Variants in OR6B3 observed in about 807,000 individuals in gnomAD.
OR6B3 encodes olfactory receptor 6B3.
For missense variants in OR6B3, 315 were observed against 427.4 expected (o/e 0.74, Z 2.32); for synonymous variants, 148 against 187.8 (o/e 0.79, Z 1.73).
chr2:240,045,737 A>T lies in OR6B3; in HGVS notation c.336T>A (p.Cys112Ter), dbSNP rs1265388637. The T allele has an allele frequency of 7.2e-7, 1 of 1,381,522 alleles. No individual in the cohort carries two copies. Among genetic ancestry groups the T allele is most frequent in the African/African-American group, 1.4e-5 (1 of 69,372 alleles). 85.6% of individuals were successfully genotyped at this position (1,381,522 alleles called of 1,614,324 possible). Residue 112 changes from cysteine (C) to a stop codon, truncating the protein, a stop_gained, in exon 2 of 2, where the codon TGT (cysteine) becomes TGA (stop). Coordinates refer to ENST00000641019, the Ensembl canonical transcript of OR6B3. LOFTEE classifies it low-confidence loss of function (END_TRUNC). ...CGTAGGCCATGGAGGCCAGAAGCACACACTCGGTGCACACCAGGGAGCTGA... is the reference window on the plus strand; with the variant it reads ...CGTAGGCCATGGAGGCCAGAAGCACTCACTCGGTGCACACCAGGGAGCTGA...
chr2:240,046,263 A>G (rs1018382473), intron 1 of OR6B3, among the ~76,000 whole-genome samples, 166 bp from the exon 3 acceptor site: 3 of 152,098 alleles, frequency 2.0e-5, no homozygotes, highest in Non-Finnish European at 4.4e-5. Flanking sequence ...CATGTTAAGC[A>G]CTAACCTCTG....
exon 2 of OR6B3, chr2:240,045,319 A>G: frequency 1.2e-6 from 2 of 1,614,244 alleles, no homozygotes; most frequent in African/African-American, 1.3e-5. Flanking sequence ...AAGGCTGTAT[A>G]GAAGACGGTG....
Position 240,045,318 on chromosome 2 carries a change from T to C in OR6B3, c.755A>G (p.Tyr252Cys), listed in dbSNP as rs1013503243. Residue 252 changes from tyrosine (Y) to cysteine (C), a missense_variant, in exon 2 of 2, where the codon TAT (tyrosine) becomes TGT (cysteine). Transcript: ENST00000641019. ...GACATACATGAAAAGCAAGGCTGTA[T>C]AGAAGACGGTGACCACGGTGAGGTG... is the stretch of plus-strand genomic sequence containing the variant. The C allele has an allele frequency of 3.1e-6, 5 of 1,614,198 alleles. No individual in the cohort carries two copies. Among genetic ancestry groups the C allele is most frequent in the Non-Finnish European group, 4.2e-6 (5 of 1,180,040 alleles).
In OR6B3 at chr2:240,045,432, G is replaced by T. The variant is rs535362001; in HGVS notation, c.641C>A (p.Thr214Asn). 113 of 1,614,228 alleles carry T rather than the reference G, an allele frequency of 7.0e-5. 1 individual carries two copies. The South Asian group carries it at 1.2e-3, about 17-fold the overall frequency. The stretch of plus-strand genomic sequence containing the variant: ...GGTGATGTGCGCATATGACAGCATG[G>T]TGGCCAGGAGTGGAAACACCAGGAT... Residue 214 changes from threonine (T) to asparagine (N), a missense_variant, in exon 2 of 2, where the codon ACC (threonine) becomes AAC (asparagine). Coordinates refer to ENST00000641019, the Ensembl canonical transcript of OR6B3.
At chr2:240,046,066 C>T (rs1387884908) in exon 2 of OR6B3, 1 of 1,612,130 alleles carries the variant, frequency 6.2e-7, no homozygotes, top group Non-Finnish European at 8.5e-7. Context: ...ACATTCTCCC[C>T]ACTCATGCCT....
upstream of OR6B3, among the ~76,000 whole-genome samples, chr2:240,050,386 A>C (rs1375170014): frequency 6.6e-6 from 1 of 152,218 alleles, no homozygotes; most frequent in African/African-American, 2.4e-5. Flanking sequence ...TATCCTCAAC[A>C]CGGAGTCAGC....
At chr2:240,048,394 A>AC (rs1698219230), upstream of OR6B3, among the ~76,000 whole-genome samples, 2 of 150,660 alleles carry the variant, frequency 1.3e-5, no homozygotes, top group Non-Finnish European at 3.0e-5. Context: ...ACCCACACCT[A>AC]CCCCCATCTC....
upstream of OR6B3, among the ~76,000 whole-genome samples, chr2:240,050,506 G>A (rs1698242456): frequency 1.3e-5 from 2 of 152,144 alleles, no homozygotes; most frequent in African/African-American, 4.8e-5. Context: ...CCTGAGGTCA[G>A]GCGTTCAAGA....
chr2:240,048,439 A>C (rs934662661), upstream of OR6B3, among the ~76,000 whole-genome samples: 1 of 152,036 alleles, frequency 6.6e-6, no homozygotes, highest in Non-Finnish European at 1.5e-5. Context: ...TGCTGTGTTC[A>C]TGAGGGAGGA....
At chr2:240,049,287 T>C (rs563759580), upstream of OR6B3, among the ~76,000 whole-genome samples, 219 of 50,230 alleles carry the variant, frequency 4.4e-3, no homozygotes, top group Admixed American at 8.2e-3. Flanking sequence ...TAAGTTATAT[T>C]TTTTTGTACA....
intron 1 of OR6B3, 124 bp from the exon 3 acceptor site, chr2:240,046,221 G>A (rs1698187107): frequency 1.4e-5 from 9 of 631,656 alleles, no homozygotes; most frequent in Non-Finnish European, 1.9e-5. Context: ...CAGAGCACCA[G>A]TGGGGAGCAA....
chr2:240,048,984 T>C (rs1394977253), upstream of OR6B3, among the ~76,000 whole-genome samples: 2 of 152,128 alleles, frequency 1.3e-5, no homozygotes, highest in African/African-American at 4.8e-5. Context: ...GAGAGCTCTG[T>C]GGCCCAGGGG....
chr2:240,045,853 C>T lies in OR6B3; in HGVS notation c.220G>A (p.Val74Met), dbSNP rs201073756. Residue 74 changes from valine (V) to methionine (M), a missense_variant, in exon 2 of 2, where the codon GTG becomes ATG. Val to Met is a conservative substitution (Grantham distance 21). Transcript: ENST00000641019. ...AGCATCTTGGGGGTGATGTCAGACA[C>T]GTACCAGATCTCTAGGAAAGACATG... is the stretch of plus-strand genomic sequence containing the variant. The T allele has an allele frequency of 1.3e-4, 208 of 1,612,652 alleles. No homozygotes were observed. The East Asian group carries it at 3.8e-3, about 29-fold the overall frequency.
At chr2:240,048,700 G>A (rs934924562), upstream of OR6B3, among the ~76,000 whole-genome samples, 12 of 152,164 alleles carry the variant, frequency 7.9e-5, no homozygotes, top group Non-Finnish European at 1.0e-4. Flanking sequence ...AAACTAACAC[G>A]GTGCAGCAAA....
upstream of OR6B3, among the ~76,000 whole-genome samples, chr2:240,049,682 C>T (rs1021816147): frequency 6.6e-6 from 1 of 151,922 alleles, no homozygotes; most frequent in Non-Finnish European, 1.5e-5. Context: ...CCTTGTTAAT[C>T]GAAATAATAT....
exon 2 of OR6B3, chr2:240,045,986 G>A: frequency 1.2e-6 from 2 of 1,608,762 alleles, no homozygotes; most frequent in Non-Finnish European, 1.7e-6. Flanking sequence ...GCAGGAAGAG[G>A]AGGAAGAGCA....
upstream of OR6B3, among the ~76,000 whole-genome samples, chr2:240,048,739 T>C (rs1698223235): frequency 6.6e-6 from 1 of 152,210 alleles, no homozygotes; most frequent in African/African-American, 2.4e-5. Flanking sequence ...TGGCACGTGT[T>C]TCTTTTCACC....
exon 1 of OR6B3, chr2:240,047,014 C>G (rs1227583520): frequency 2.0e-5 from 3 of 152,198 alleles, no homozygotes; most frequent in Admixed American, 6.5e-5. Context: ...CGCTGCCCTT[C>G]CAATGCGGTT....
chr2:240,048,238 T>C (rs1431914161), upstream of OR6B3, among the ~76,000 whole-genome samples: 1 of 152,000 alleles, frequency 6.6e-6, no homozygotes, highest in Non-Finnish European at 1.5e-5. Context: ...ACAAAATGAG[T>C]TTAAACCACA....
Sources: gnomAD v4.1 joint callset for allele counts (sites outside exome capture counted in the v4.1 genomes callset) on GRCh38, gnomAD v4.1.1 for gene constraint, MANE v1.5 for transcripts, NCBI Gene and HGNC (gene_info 2026-07-23, HGNC 2026-07-21) for gene names.